The following SIPA1 variants were observed in gnomAD, a reference collection of about 807,000 sequenced individuals.
The protein encoded by SIPA1 is signal-induced proliferation-associated protein 1.
Under a neutral mutation model 88.1 loss-of-function variants are expected in SIPA1, and 51 were observed. The observed-to-expected ratio is 0.58, with a 90% CI of 0.46 to 0.73. The LOEUF (loss-of-function observed/expected upper bound fraction) is 0.73. Ranked by LOEUF, SIPA1 falls within the 30% of genes least tolerant of loss-of-function variation. The pLI, the probability that SIPA1 is intolerant of heterozygous loss-of-function variation, is 0.00. For missense variants in SIPA1, 1,348 were observed against 1,467.6 expected, an observed-to-expected ratio of 0.92 and a Z score of 1.33; for synonymous variants, 681 against 664.8, an observed-to-expected ratio of 1.02 and a Z score of -0.37.
At chr11:65,650,098 C>G (rs947939008) in intron 13 of SIPA1, 40 bp from the exon 14 acceptor site, 4 of 1,613,302 alleles carry the variant, frequency 2.5e-6, no homozygotes, top group Non-Finnish European at 3.4e-6. Flanking sequence ...TGCTCTTGCC[C>G]CCTTTCTGAC....
rs1224481542 is a variant in SIPA1, at chr11:65,640,666, G to A, written c.-91-165G>A. ...GCCCAGCTAAGCTGGGGAGGGGGCT[G>A]GAAACTTTAGCCCTAGGCAGACAAG... On this transcript the variant is annotated intron_variant, in intron 1 of 15. Coordinates refer to ENST00000534313, the MANE Select transcript of SIPA1 (RefSeq NM_006747.4). 1.1e-5 allele frequency: 5 copies of A among 455,890 alleles called. No individual in the cohort carries two copies. In the East Asian group the frequency reaches 1.8e-4, roughly 16 times the overall value. 28.2% of individuals were successfully genotyped at this position (455,890 alleles called of 1,614,324 possible). A position where few individuals can be genotyped will look rare whatever the true frequency, so the allele number is the denominator to read the frequency against.
intron 1 of SIPA1, 108 bp from the exon 2 acceptor site, chr11:65,640,723 T>G: frequency 1.9e-6 from 1 of 520,866 alleles, no homozygotes; most frequent in Non-Finnish European, 3.3e-6. Flanking sequence ...GCAGCTTTGA[T>G]GGTCTCGGAG....
intron 4 of SIPA1, 27 bp from the exon 5 acceptor site, chr11:65,644,928 C>T (rs1856077489): frequency 1.2e-6 from 2 of 1,600,880 alleles, no homozygotes; most frequent in Non-Finnish European, 1.7e-6. Context: ...GGGACTGAGA[C>T]CTATGCCTTC....
At position 65,647,299 on chromosome 11, in the gene SIPA1, T is replaced by C. The variant is rs544044660; in HGVS notation, c.2032-85T>C. On this transcript the variant is annotated intron_variant, in intron 8 of 15. Transcript: ENST00000534313. ...CTCGGGGACTGTGGAAAGTTCCGTG[T>C]GGCCTGGGACGCAGTCCAGGGGGCG... 7.4e-5 allele frequency: 101 copies of C among 1,371,066 alleles called. No individual in the cohort carries two copies. The African/African-American group carries it at 1.4e-3, about 19-fold the overall frequency. 84.9% of individuals were successfully genotyped at this position (1,371,066 alleles called of 1,614,324 possible). A position where few individuals can be genotyped will look rare whatever the true frequency, so the allele number is the denominator to read the frequency against.
chr11:65,638,382 ACT>A (rs34679731), intron 1 of SIPA1, 200 bp downstream of exon 1: 14,942 of 151,614 alleles, frequency 0.099, 1,824 homozygotes, highest in African/African-American at 0.25. Context: ...AGCCGTTCCT[ACT>A]CTCTCTGTGT....
chr11:65,646,216 C>T lies in SIPA1; in HGVS notation c.1264-5C>T. ...CATCACGAGCCCCTACTATCCAACC[C>T]CTAGCTCCTCCGGAAGCGCCACATT... On this transcript the variant is annotated splice_region_variant and splice_polypyrimidine_tract_variant and intron_variant, in intron 6 of 15. Transcript: ENST00000534313. This position sits in a 1 kb window ranked among gnomAD's most constrained non-coding sequence, Gnocchi z 7.5. 1 of 1,613,762 alleles carries T rather than the reference C, an allele frequency of 6.2e-7. No individual in the cohort carries two copies. Among genetic ancestry groups the T allele is most frequent in the Non-Finnish European group, 8.5e-7 (1 of 1,179,960 alleles).
Position 65,647,453 on chromosome 11 carries a change from G to C in SIPA1, c.2101G>C (p.Glu701Gln). 6.7e-7 allele frequency: 1 copy of C among 1,482,984 alleles called. No homozygotes were observed. The highest frequency in any genetic ancestry group is 1.2e-5 in the South Asian group (1 of 80,164). The allele number at this position is 1,482,984 out of a possible 1,614,324, so 91.9% of individuals were successfully genotyped here. ...PRDGQGRLGF[E>Q]VDAEGFVTHV... is the part of the protein sequence containing the mutation. ...CGACGGTCAAGGCCGCCTGGGCTTC[G>C]AGGTGGACGCCGAGGGATTCGTCAC... The change falls in exon 9 of 16, where the codon GAG (glutamate) becomes CAG (glutamine). Residue 701 changes from glutamate (E) to glutamine (Q), a missense_variant. This residue lies in a region of SIPA1 where 615 missense variants were observed against 559.8 expected (regional missense o/e 1.10). Coordinates refer to ENST00000534313, the MANE Select transcript of SIPA1 (RefSeq NM_006747.4).
chr11:65,647,673 G>A lies in SIPA1; in HGVS notation c.2306+15G>A. 7.5e-7 allele frequency: 1 copy of A among 1,336,758 alleles called. No individual in the cohort carries two copies. The highest frequency in any genetic ancestry group is 1.7e-5 in the South Asian group (1 of 58,302). The allele number at this position is 1,336,758 out of a possible 1,614,324, so 82.8% of individuals were successfully genotyped here. ...CGGCCCCGCAGGTCAGGGTGCCGGGGACGCGGGGAGGTGGGAGGGCCGGCA... is the reference window on the plus strand; with the variant it reads ...CGGCCCCGCAGGTCAGGGTGCCGGGAACGCGGGGAGGTGGGAGGGCCGGCA... On this transcript the variant is annotated intron_variant, in intron 9 of 15. Transcript: ENST00000534313.
In SIPA1 at chr11:65,646,651, G is replaced by A; in HGVS notation, c.1617G>A (p.Leu539=). The change falls in exon 8 of 16, where the codon CTG becomes CTA. Residue 539 remains leucine (L), a synonymous_variant. Transcript: ENST00000534313. This position sits in a 1 kb window ranked among gnomAD's most constrained non-coding sequence, Gnocchi z 7.5. ...TRTRQQYLQD[L]ATNEVTTTSL... ...CCCGCCAGCAGTACCTGCAAGACCTGGCCACCAACGAGGTGACCACTACGT... is the reference window on the plus strand; with the variant it reads ...CCCGCCAGCAGTACCTGCAAGACCTAGCCACCAACGAGGTGACCACTACGT... 6.5e-7 allele frequency: 1 copy of A among 1,548,224 alleles called. No homozygotes were observed. Among genetic ancestry groups the A allele is most frequent in the Non-Finnish European group, 8.7e-7 (1 of 1,149,508 alleles).
chr11:65,641,055 C>T lies in SIPA1; in HGVS notation c.134C>T (p.Pro45Leu). 1 of 1,597,104 alleles carries T rather than the reference C, an allele frequency of 6.3e-7. No individual in the cohort carries two copies. Among genetic ancestry groups the T allele is most frequent in the Non-Finnish European group, 8.5e-7 (1 of 1,175,974 alleles). ...ACACCGCACACCTTCGAGCCGAGGC[C>T]AGTCCGGGGCCCACTCCTGCGCAGC... ...PLTPHTFEPR[P>L]VRGPLLRSGS... is the part of the protein sequence containing the mutation. The change falls in exon 2 of 16, where the codon CCA becomes CTA. Residue 45 changes from proline (P) to leucine (L), a missense_variant. This residue lies in a region of SIPA1 where 641 missense variants were observed against 797.7 expected (regional missense o/e 0.80). Coordinates refer to ENST00000534313, the MANE Select transcript of SIPA1 (RefSeq NM_006747.4).
Position 65,650,456 on chromosome 11 carries a change from A to G in SIPA1, c.2959A>G (p.Lys987Glu). ...CTCTCACTTGGAGTCCATGCTCAGG[A>G]AGCTGCAGGAGGACCTGCAGAAGGT... is the stretch of plus-strand genomic sequence containing the variant. ...KVSHLESMLR[K>E]LQEDLQKEKA... The change falls in exon 15 of 16, where the codon AAG becomes GAG. Residue 987 changes from lysine (K) to glutamate (E), a missense_variant. By Grantham distance (56) the Lys-to-Glu change is moderately conservative. Coordinates refer to ENST00000534313, the MANE Select transcript of SIPA1 (RefSeq NM_006747.4). The G allele has an allele frequency of 1.2e-6, 2 of 1,614,100 alleles. No homozygotes were observed. The highest frequency in any genetic ancestry group is 2.2e-5 in the East Asian group (1 of 44,870).
Position 65,640,944 on chromosome 11 carries a change from TG to T in SIPA1, c.27del (p.Ser10AlafsTer27). ...AGCATGCCCATGTGGGCCGGCGGTG[TG>T]GGGAGCCCTCGGCGGGGCATGGCCC... MPMWAGG[V>X]GSPRRGMAPA... On this transcript the variant is annotated frameshift_variant, in exon 2 of 16. Transcript: ENST00000534313. LOFTEE classifies it high-confidence loss of function. The T allele has an allele frequency of 1.3e-6, 2 of 1,534,516 alleles. No homozygotes were observed. Among genetic ancestry groups the T allele is most frequent in the Non-Finnish European group, 1.7e-6 (2 of 1,149,244 alleles).
chr11:65,650,885 A>G lies in SIPA1; in HGVS notation c.*170A>G. On this transcript the variant is annotated 3_prime_UTR_variant, in exon 16 of 16. Transcript: ENST00000534313. ...CTGTTTGTAAATATTCTGTGGAGAA[A>G]AGAGGACTTCAGGGAGTAAAAAAGC... The G allele has an allele frequency of 2.8e-6, 2 of 727,064 alleles. No homozygotes were observed. Among genetic ancestry groups the G allele is most frequent in the Non-Finnish European group, 4.3e-6 (2 of 460,618 alleles). 45.0% of individuals were successfully genotyped at this position (727,064 alleles called of 1,614,324 possible).
Position 65,649,786 on chromosome 11 carries a change from G to C in SIPA1, c.2667G>C (p.Glu889Asp). The C allele has an allele frequency of 6.2e-7, 1 of 1,614,084 alleles. No homozygotes were observed. The highest frequency in any genetic ancestry group is 1.6e-4 in the Middle Eastern group (1 of 6,062). The change falls in exon 12 of 16, where the codon GAG becomes GAC. Residue 889 changes from glutamate to aspartate, a missense_variant. This residue lies in a region of SIPA1 where 615 missense variants were observed against 559.8 expected (regional missense o/e 1.10). Coordinates refer to ENST00000534313, the MANE Select transcript of SIPA1 (RefSeq NM_006747.4). ...QDRPGSPSGS[E>D]DKGNPAPELR... ...GGCCAGGCAGTCCCAGTGGCTCTGA[G>C]GACAAGGGCAACCCGGCGCCGGAGC...
At chr11:65,647,741 A>C in intron 9 of SIPA1, 83 bp downstream of exon 9, 1 of 1,134,448 alleles carries the variant, frequency 8.8e-7, no homozygotes, top group East Asian at 3.9e-5. Context: ...CGCCATCAGC[A>C]GTTTCAGGAA....
Position 65,641,139 on chromosome 11 carries a change from A to G in SIPA1, c.218A>G (p.His73Arg). The change falls in exon 2 of 16, where the codon CAC becomes CGC. Residue 73 changes from histidine (H) to arginine (R), a missense_variant. His to Arg is a conservative substitution (Grantham distance 29). This residue lies in a region of SIPA1 where 641 missense variants were observed against 797.7 expected (regional missense o/e 0.80). Transcript: ENST00000534313. ...CCAGCCAGCCCCCGTGCCCGTGCCC[A>G]CAGCCACGAAGAGGCCAGCCGACCT... The part of the protein sequence containing the change: ...PTPASPRARA[H>R]SHEEASRPAA... 6.2e-7 allele frequency: 1 copy of G among 1,604,236 alleles called. No individual in the cohort carries two copies. The highest frequency in any genetic ancestry group is 1.1e-5 in the South Asian group (1 of 91,048).
rs537201098 is a variant in SIPA1 at position 65,646,838 on chromosome 11, C to T, written c.1804C>T (p.Pro602Ser). Reference protein sequence around the residue: ...RVAAGAQASGPEGIEVPCLLG... With the variant: ...RVAAGAQASGSEGIEVPCLLG... Reference sequence around the variant, plus strand: ...CGCCGCCGGGGCTCAGGCGAGCGGCCCCGAAGGCATCGAGGTGCCCTGCCT... The same window carrying T: ...CGCCGCCGGGGCTCAGGCGAGCGGCTCCGAAGGCATCGAGGTGCCCTGCCT... Residue 602 changes from proline (P) to serine (S), a missense_variant, in exon 8 of 16, where the codon CCC (proline) becomes TCC (serine). By Grantham distance (74) the Pro-to-Ser change is moderately conservative. This residue lies in a region of SIPA1 where 68 missense variants were observed against 59.0 expected (regional missense o/e 1.15). Transcript: ENST00000534313. The surrounding 1 kb of genome is among the most constrained non-coding windows in gnomAD (Gnocchi z 7.5). The T allele has an allele frequency of 7.0e-6, 10 of 1,421,454 alleles. No homozygotes were observed. In the East Asian group the frequency reaches 2.6e-4, roughly 37 times the overall value. 88.1% of individuals were successfully genotyped at this position (1,421,454 alleles called of 1,614,324 possible). A position where few individuals can be genotyped will look rare whatever the true frequency, so the allele number is the denominator to read the frequency against.
chr11:65,650,641 G>C lies in SIPA1; in HGVS notation c.3055G>C (p.Glu1019Gln), dbSNP rs1327649703. 2 of 1,573,008 alleles carry C rather than the reference G, an allele frequency of 1.3e-6. No individual in the cohort carries two copies. The change falls in exon 16 of 16, where the codon GAG becomes CAG. Residue 1019 changes from glutamate to glutamine, a missense_variant. Transcript: ENST00000534313. Reference protein sequence around the residue: ...LRHNNRRLQAESESAATRLLL... With the variant: ...LRHNNRRLQAQSESAATRLLL... Reference sequence around the variant, plus strand: ...ACACAACAACCGGCGGCTGCAGGCGGAGTCTGAGAGTGCAGCCACACGCCT... The same window carrying C: ...ACACAACAACCGGCGGCTGCAGGCGCAGTCTGAGAGTGCAGCCACACGCCT...
chr11:65,648,597 G>A (rs1856185275), intron 9 of SIPA1, among the ~76,000 whole-genome samples: 1 of 152,152 alleles, frequency 6.6e-6, no homozygotes, highest in South Asian at 2.1e-4. Context: ...ACTTTGGGAG[G>A]CTGAGGCGGG....
Sources: allele counts gnomAD v4.1 joint callset (sites outside exome capture counted in the v4.1 genomes callset), GRCh38; gene constraint gnomAD v4.1.1; regional missense constraint gnomAD v4.1.1; non-coding constraint Gnocchi (gnomAD v3.1); transcripts MANE v1.5; gene names NCBI Gene and HGNC (gene_info 2026-07-23, HGNC 2026-07-21).